The following PRKD1 variants were observed in gnomAD, a reference collection of about 807,000 sequenced individuals.
The protein encoded by PRKD1 is serine/threonine-protein kinase D1.
PRKD1 carries 63 observed loss-of-function variants against 95.9 expected under a neutral mutation model. That is an observed-to-expected ratio of 0.66 (90% CI 0.54 to 0.81). PRKD1 has a LOEUF of 0.81. PRKD1 is among the 30% of genes least tolerant of loss of function. The pLI, the probability that PRKD1 is intolerant of heterozygous loss-of-function variation, is 0.00. For synonymous variants in PRKD1, 425 were observed against 423.1 expected (o/e 1.00, Z -0.05); for missense variants, 1,048 against 1,165.3 (o/e 0.90, Z 1.47).
At chr14:29,621,525 T>G (rs528450131) in intron 13 of PRKD1, among the ~76,000 whole-genome samples, 1 of 152,200 alleles carries the variant, frequency 6.6e-6, no homozygotes, top group South Asian at 2.1e-4. Context: ...TTAAAATAAT[T>G]GGCAGTTTTA....
At chr14:29,625,749 C>T (rs1383636559) in intron 12 of PRKD1, among the ~76,000 whole-genome samples, 1 of 151,880 alleles carries the variant, frequency 6.6e-6, no homozygotes, top group Non-Finnish European at 1.5e-5. Context: ...TTAAAAAGTA[C>T]AATATCATAT....
chr14:29,749,947 G>T (rs185723443), intron 1 of PRKD1, among the ~76,000 whole-genome samples: 1 of 152,162 alleles, frequency 6.6e-6, no homozygotes, highest in African/African-American at 2.4e-5. Flanking sequence ...CAGCAAAAAC[G>T]TTAGAAAAAT....
intron 16 of PRKD1, among the ~76,000 whole-genome samples, chr14:29,591,937 A>G (rs949003066): frequency 3.9e-5 from 6 of 152,180 alleles, no homozygotes; most frequent in African/African-American, 1.4e-4. Flanking sequence ...ATACTGGTAA[A>G]TGATAAGGTG....
chr14:29,919,460 T>C (rs985363955), intron 1 of PRKD1, among the ~76,000 whole-genome samples: 1 of 147,170 alleles, frequency 6.8e-6, no homozygotes, highest in African/African-American at 2.7e-5. Context: ...CCAGAAAAAG[T>C]AAGAAACAGA....
intron 1 of PRKD1, among the ~76,000 whole-genome samples, chr14:29,796,660 TA>T (rs1162222126): frequency 2.0e-5 from 3 of 152,110 alleles, no homozygotes; most frequent in Non-Finnish European, 4.4e-5. Context: ...TCTAGGAAGA[TA>T]CATGTCTCTA....
chr14:29,599,005 T>G, intron 15 of PRKD1, 22 bp downstream of exon 15: 3 of 1,592,104 alleles, frequency 1.9e-6, no homozygotes, highest in Non-Finnish European at 2.6e-6. Flanking sequence ...GGCTTTTTGC[T>G]GAGAGAGGCT....
At chr14:29,925,650 G>A (rs916234172) in intron 1 of PRKD1, among the ~76,000 whole-genome samples, 3 of 152,160 alleles carry the variant, frequency 2.0e-5, no homozygotes, top group South Asian at 2.1e-4. Context: ...AGTGGGGGGC[G>A]GGGTGGAGGG....
At chr14:29,728,641 A>T (rs1042988385) in intron 1 of PRKD1, among the ~76,000 whole-genome samples, 1 of 152,170 alleles carries the variant, frequency 6.6e-6, no homozygotes, top group African/African-American at 2.4e-5. Context: ...TATTTCATTA[A>T]ATGGATCTAG....
intron 4 of PRKD1, among the ~76,000 whole-genome samples, chr14:29,660,085 C>T (rs368465983): frequency 2.0e-5 from 3 of 152,198 alleles, no homozygotes; most frequent in Non-Finnish European, 4.4e-5. Context: ...CAATTGATTT[C>T]GTGTATGGCA....
intron 1 of PRKD1, among the ~76,000 whole-genome samples, chr14:29,729,975 G>A (rs553784651): frequency 6.6e-6 from 1 of 151,950 alleles, no homozygotes; most frequent in African/African-American, 2.4e-5. Flanking sequence ...ATTGGTATGG[G>A]CAACGATTTT....
At chr14:29,660,631 T>C (rs1294815882) in intron 4 of PRKD1, among the ~76,000 whole-genome samples, 4 of 152,294 alleles carry the variant, frequency 2.6e-5, no homozygotes, top group Admixed American at 6.5e-5. Flanking sequence ...GATTATTATA[T>C]TATAATAACT....
At chr14:29,893,407 T>C (rs577812606) in intron 1 of PRKD1, among the ~76,000 whole-genome samples, 49 of 152,078 alleles carry the variant, frequency 3.2e-4, no homozygotes, top group African/African-American at 1.2e-3. Flanking sequence ...GAGGTTTTTT[T>C]TTGGTTTTCA....
chr14:29,775,896 A>C (rs1387314781), intron 1 of PRKD1, among the ~76,000 whole-genome samples: 1 of 152,160 alleles, frequency 6.6e-6, no homozygotes, highest in African/African-American at 2.4e-5. Flanking sequence ...GGCACCTCCC[A>C]GTAGGGGCCG....
chr14:29,657,255 A>AT (rs1284728244), intron 4 of PRKD1, among the ~76,000 whole-genome samples: 1 of 152,214 alleles, frequency 6.6e-6, no homozygotes, highest in East Asian at 1.9e-4. Flanking sequence ...TTAACTGGTA[A>AT]TTTATATTGA....
At position 29,807,739 on chromosome 14, in the gene PRKD1, G is replaced by T. The variant is rs563774355; in HGVS notation, c.265-82065C>A. Reference sequence around the variant, plus strand: ...TTTTTTTTCTTTTCCTTTTTTTTTTGAGACAGAGTCTTGCTCTATCTCCCA... The same window carrying T: ...TTTTTTTTCTTTTCCTTTTTTTTTTTAGACAGAGTCTTGCTCTATCTCCCA... On this transcript the variant is annotated intron_variant, in intron 1 of 17. Transcript: ENST00000331968. 9.4e-3 allele frequency among the ~76,000 whole-genome samples: 1,328 copies of T among 141,622 alleles called. 19 individuals are homozygous for T. Among genetic ancestry groups the T allele is most frequent in the African/African-American group, 0.034 (1,284 of 38,292 alleles). 92.9% of individuals were successfully genotyped at this position (141,622 alleles called of 152,430 possible).
At chr14:29,651,205 C>T (rs1055621571) in intron 4 of PRKD1, among the ~76,000 whole-genome samples, 1 of 152,258 alleles carries the variant, frequency 6.6e-6, no homozygotes, top group Admixed American at 6.5e-5. Flanking sequence ...CTCTATCTAT[C>T]CCACACCCCT....
chr14:29,616,567 C>G (rs1031868986), intron 13 of PRKD1, among the ~76,000 whole-genome samples: 3 of 150,678 alleles, frequency 2.0e-5, no homozygotes, highest in African/African-American at 7.5e-5. Flanking sequence ...CCTCAGCCAC[C>G]CAAGTAGCTG....
chr14:29,623,818 T>C (rs527901864), intron 13 of PRKD1, among the ~76,000 whole-genome samples: 1 of 152,166 alleles, frequency 6.6e-6, no homozygotes, highest in Non-Finnish European at 1.5e-5. Flanking sequence ...TATCACAGCA[T>C]AAAGGCATGT....
intron 16 of PRKD1, among the ~76,000 whole-genome samples, chr14:29,590,119 A>T: frequency 6.6e-6 from 1 of 152,198 alleles, no homozygotes; most frequent in East Asian, 1.9e-4. Context: ...TTTTAAGTAC[A>T]TTTTACAAAG....
Sources: allele counts gnomAD v4.1 joint callset (sites outside exome capture counted in the v4.1 genomes callset), GRCh38; gene constraint gnomAD v4.1.1; transcripts MANE v1.5; gene names NCBI Gene and HGNC (gene_info 2026-07-23, HGNC 2026-07-21).